Variants in XKR9 observed in about 807,000 individuals in gnomAD.
XKR9 encodes XK-related protein 9.
In XKR9, 32 loss-of-function variants were observed where a neutral mutation model predicts 32.0. The ratio of observed to expected loss-of-function variants is 1.00; its 90% CI spans 0.76 to 1.34. The LOEUF (loss-of-function observed/expected upper bound fraction) is 1.34. XKR9 is among the 40% of genes most tolerant of loss of function. The pLI, the probability that XKR9 is intolerant of heterozygous loss-of-function variation, is 0.00. For synonymous variants in XKR9, 168 were observed against 143.4 expected (o/e 1.17, Z -1.22); for missense variants, 546 against 429.7 (o/e 1.27, Z -2.39).
chr8:70,757,717 G>C (rs1216261222), intron 2 of XKR9, among the ~76,000 whole-genome samples: 1 of 152,064 alleles, frequency 6.6e-6, no homozygotes, highest in Non-Finnish European at 1.5e-5. Context: ...TCCCCAAGTA[G>C]CTGGGACTAT....
At chr8:70,966,165 A>G in the XKR9 span, among the ~76,000 whole-genome samples, 1 of 151,824 alleles carries the variant, frequency 6.6e-6, no homozygotes, top group Non-Finnish European at 1.5e-5. Flanking sequence ...CCTTAATTTC[A>G]TTATTTACCT....
chr8:71,003,081 T>A, the XKR9 span, among the ~76,000 whole-genome samples: 1 of 152,236 alleles, frequency 6.6e-6, no homozygotes, highest in Non-Finnish European at 1.5e-5. Context: ...AACTTCTGTC[T>A]GGTGCTTTGA....
At chr8:70,855,881 T>A in the XKR9 span, among the ~76,000 whole-genome samples, 3 of 152,092 alleles carry the variant, frequency 2.0e-5, no homozygotes, top group African/African-American at 7.2e-5. Flanking sequence ...CAAACCAAGC[T>A]TCATAAGTGA....
the XKR9 span, among the ~76,000 whole-genome samples, chr8:70,832,567 A>G: frequency 6.6e-6 from 1 of 152,200 alleles, no homozygotes; most frequent in Non-Finnish European, 1.5e-5. Context: ...TTTTCAACAT[A>G]AAGTATATAT....
chr8:70,673,252 G>C (rs554860130), intron 1 of XKR9, among the ~76,000 whole-genome samples: 41 of 152,256 alleles, frequency 2.7e-4, no homozygotes, highest in African/African-American at 9.6e-4. Flanking sequence ...ACAAGGTCCA[G>C]CTTCATTAGC....
chr8:70,954,829 G>A, the XKR9 span, among the ~76,000 whole-genome samples: 8 of 152,198 alleles, frequency 5.3e-5, no homozygotes, highest in Admixed American at 4.6e-4. Flanking sequence ...AGTCGTTCAG[G>A]TAGTTTGCTA....
At chr8:70,927,683 C>CTA in the XKR9 span, among the ~76,000 whole-genome samples, 2 of 152,172 alleles carry the variant, frequency 1.3e-5, no homozygotes, top group Admixed American at 1.3e-4. Context: ...ACCCTCATGA[C>CTA]TTAATCACTT....
chr8:70,885,534 A>G, the XKR9 span, among the ~76,000 whole-genome samples: 6 of 151,820 alleles, frequency 4.0e-5, no homozygotes, highest in East Asian at 1.2e-3. Flanking sequence ...CTCCGCATGC[A>G]TTATGTATTT....
intron 3 of XKR9, among the ~76,000 whole-genome samples, chr8:70,697,916 G>T (rs1471025007): frequency 1.1e-3 from 170 of 151,858 alleles, no homozygotes; most frequent in African/African-American, 3.8e-3. Flanking sequence ...GTCTTGGGAG[G>T]GTGTATGTGT....
At chr8:71,004,454 A>G in the XKR9 span, among the ~76,000 whole-genome samples, 1 of 152,224 alleles carries the variant, frequency 6.6e-6, no homozygotes, top group African/African-American at 2.4e-5. Flanking sequence ...TGGAAAGACA[A>G]ACAATTGTAA....
chr8:71,037,572 C>T, the XKR9 span, among the ~76,000 whole-genome samples: 3 of 152,144 alleles, frequency 2.0e-5, no homozygotes, highest in Admixed American at 2.0e-4. Context: ...AAATATATTA[C>T]CAAGTTAACA....
the XKR9 span, among the ~76,000 whole-genome samples, chr8:70,882,310 TA>T: frequency 1.3e-5 from 2 of 151,720 alleles, no homozygotes; most frequent in Non-Finnish European, 2.9e-5. Flanking sequence ...ATTTGTATTA[TA>T]AAAAAATTAA....
chr8:70,694,725 GTGGGT>G (rs1427164507), intron 3 of XKR9, among the ~76,000 whole-genome samples: 1 of 152,236 alleles, frequency 6.6e-6, no homozygotes, highest in East Asian at 1.9e-4. Context: ...TTCCAAGTAA[GTGGGT>G]CTTAACTTGT....
intron 4 of XKR9, 42 bp downstream of exon 4, chr8:70,707,195 A>G (rs1406775681): frequency 1.3e-6 from 2 of 1,484,816 alleles, no homozygotes; most frequent in Admixed American, 3.6e-5. Context: ...GATGCCACTG[A>G]GACCTTACGT....
At chr8:71,065,682 T>G in the XKR9 span, among the ~76,000 whole-genome samples, 3 of 152,224 alleles carry the variant, frequency 2.0e-5, no homozygotes, top group Admixed American at 2.0e-4. Context: ...AATGATGGTA[T>G]TGAGCTTCTA....
downstream of XKR9, among the ~76,000 whole-genome samples, chr8:70,737,165 C>G (rs13256529): frequency 0.32 from 39,369 of 124,444 alleles, 6,370 homozygotes; most frequent in Non-Finnish European, 0.43. Context: ...TTGTAGTTCT[C>G]CTTGAAGAGG....
At chr8:71,026,720 T>C in the XKR9 span, among the ~76,000 whole-genome samples, 1 of 152,226 alleles carries the variant, frequency 6.6e-6, no homozygotes, top group Non-Finnish European at 1.5e-5. Flanking sequence ...TAAAATGATA[T>C]TTATTATTCT....
chr8:70,847,452 C>T, the XKR9 span, among the ~76,000 whole-genome samples: 1 of 150,804 alleles, frequency 6.6e-6, no homozygotes, highest in Non-Finnish European at 1.5e-5. Flanking sequence ...AAACCAAATC[C>T]CAAATAAGAA....
the XKR9 span, among the ~76,000 whole-genome samples, chr8:70,861,411 G>A: frequency 6.6e-6 from 1 of 152,116 alleles, no homozygotes. Flanking sequence ...AGCACTTTGG[G>A]AGGCTGAGGA....
Sources: gnomAD v4.1 joint callset for allele counts (sites outside exome capture counted in the v4.1 genomes callset) on GRCh38, gnomAD v4.1.1 for gene constraint, MANE v1.5 for transcripts, NCBI Gene and HGNC (gene_info 2026-07-23, HGNC 2026-07-21) for gene names.